The following SART3 variants were observed in gnomAD, a reference collection of about 807,000 sequenced individuals.
SART3 encodes the protein HIV-1 Tat-interacting protein of 110kDa.
In SART3, 44 loss-of-function variants were observed where a neutral mutation model predicts 122.3. That is an observed-to-expected ratio of 0.36 (90% CI 0.28 to 0.46). SART3 has a LOEUF of 0.46. Among genes scored for constraint, SART3 ranks in the 20% least tolerant of loss-of-function variants. SART3 has a pLI of 1.00. For synonymous variants in SART3, 442 were observed against 454.0 expected (o/e 0.97, Z 0.34); for missense variants, 1,101 against 1,229.0 (o/e 0.90, Z 1.56).
intron 1 of SART3, among the ~76,000 whole-genome samples, chr12:108,552,773 A>C (rs2030063805): frequency 1.3e-5 from 2 of 152,148 alleles, no homozygotes; most frequent in South Asian, 4.1e-4. Context: ...CCCTAAACTG[A>C]CTTACAGGCT....
chr12:108,527,215 G>A (rs1042854768), intron 15 of SART3, among the ~76,000 whole-genome samples: 4 of 152,184 alleles, frequency 2.6e-5, no homozygotes, highest in Non-Finnish European at 5.9e-5. Flanking sequence ...TCCCTGGGCT[G>A]GGTCCAGCTG....
intron 1 of SART3, chr12:108,560,513 T>TC: frequency 2.5e-6 from 1 of 402,776 alleles, no homozygotes; most frequent in South Asian, 1.1e-4. Flanking sequence ...GTGGGAGTTC[T>TC]GGAATGGGAT....
chr12:108,548,115 ATTCACT>A (rs1351322682), intron 2 of SART3, 124 bp from the exon 3 acceptor site: 7 of 819,096 alleles, frequency 8.5e-6, no homozygotes, highest in Non-Finnish European at 1.4e-5. Flanking sequence ...GTTTCCAGAA[ATTCACT>A]TCTTAAAACC....
Position 108,539,044 on chromosome 12 carries a change from C to G in SART3, c.952G>C (p.Asp318His). The G allele has an allele frequency of 1.2e-6, 2 of 1,614,186 alleles. No individual in the cohort carries two copies. Among genetic ancestry groups the G allele is most frequent in the South Asian group, 2.2e-5 (2 of 91,078 alleles). ...GGATCGCCAATTTTCATCTCAAAAT[C>G]GATATATGCTTGATATTCTGCCAGC... is the stretch of plus-strand genomic sequence containing the variant. ...PRLAEYQAYI[D>H]FEMKIGDPAR... The change falls in exon 7 of 19, where the codon GAT (aspartate) becomes CAT (histidine). Residue 318 changes from aspartate (D) to histidine (H), a missense_variant. This residue lies in a region of SART3 where 885 missense variants were observed against 1,080.1 expected (regional missense o/e 0.82). Coordinates refer to ENST00000546815, the MANE Select transcript of SART3 (RefSeq NM_014706.4).
rs1233498499 is a variant in SART3, at chr12:108,530,163, C to T, written c.1894G>A (p.Glu632Lys). 1 of 1,614,180 alleles carries T rather than the reference C, an allele frequency of 6.2e-7. No homozygotes were observed. Among genetic ancestry groups the T allele is most frequent in the Non-Finnish European group, 8.5e-7 (1 of 1,180,034 alleles). Reference sequence around the variant, plus strand: ...TTACCTTCTTCATCATCGCCCCACTCTTTCTCATCATCCTCATCTGCTCCG... The same window carrying T: ...TTACCTTCTTCATCATCGCCCCACTTTTTCTCATCATCCTCATCTGCTCCG... ...KRGADEDDEK[E>K]WGDDEEEQPS... Residue 632 changes from glutamate (E) to lysine (K), a missense_variant, in exon 15 of 19, where the codon GAG becomes AAG. Glu to Lys is a moderately conservative substitution (Grantham distance 56). This residue lies in a region of SART3 where 885 missense variants were observed against 1,080.1 expected (regional missense o/e 0.82). Transcript: ENST00000546815.
At chr12:108,547,048 G>T (rs1001803219) in intron 3 of SART3, among the ~76,000 whole-genome samples, 1 of 152,066 alleles carries the variant, frequency 6.6e-6, no homozygotes, top group African/African-American at 2.4e-5. Flanking sequence ...TTGAACTCCC[G>T]ACCTCAAGTG....
At position 108,538,937 on chromosome 12, in the gene SART3, G is replaced by A. The variant is rs763184279; in HGVS notation, c.1059C>T (p.Tyr353=). The A allele has an allele frequency of 6.2e-7, 1 of 1,614,076 alleles. No homozygotes were observed. Among genetic ancestry groups the A allele is most frequent in the East Asian group, 2.2e-5 (1 of 44,884 alleles). The change falls in exon 7 of 19, where the codon TAC becomes TAT. Residue 353 remains tyrosine, a synonymous_variant. Transcript: ENST00000546815. ...GAAATTAGAACAGTGATCTTACTAG[G>A]TACTGACTGTAACGGATCCATAAGT... ...VPDLWIRYSQ[Y]LDRQLKVKDL...
Position 108,526,386 on chromosome 12 carries a change from C to A in SART3, c.2083G>T (p.Val695Leu). 6.2e-7 allele frequency: 1 copy of A among 1,614,072 alleles called. No homozygotes were observed. Among genetic ancestry groups the A allele is most frequent in the East Asian group, 2.2e-5 (1 of 44,878 alleles). Residue 695 changes from valine to leucine, a missense_variant, in exon 16 of 19, where the codon GTG becomes TTG. Coordinates refer to ENST00000546815, the MANE Select transcript of SART3 (RefSeq NM_014706.4). ...CTGTCCTTGCTGCTGTCGTGCAGCACCTTGGGCATGTCCCTCTTCAGGGAG... is the reference window on the plus strand; with the variant it reads ...CTGTCCTTGCTGCTGTCGTGCAGCAACTTGGGCATGTCCCTCTTCAGGGAG... ...AASLKRDMPK[V>L]LHDSSKDSIT...
intron 14 of SART3, among the ~76,000 whole-genome samples, chr12:108,530,564 T>A (rs2287547): frequency 2.0e-5 from 3 of 151,876 alleles, no homozygotes; most frequent in Non-Finnish European, 4.4e-5. Context: ...GGCAAAAAAA[T>A]CCATAAAACT....
chr12:108,532,112 A>G, intron 13 of SART3, 110 bp downstream of exon 13: 1 of 862,468 alleles, frequency 1.2e-6, no homozygotes, highest in Non-Finnish European at 1.9e-6. Flanking sequence ...GCACCACCTA[A>G]GGTGGCAGCA....
chr12:108,531,994 G>A (rs781566666), intron 13 of SART3: 18 of 526,368 alleles, frequency 3.4e-5, no homozygotes, highest in Non-Finnish European at 6.3e-5. Context: ...CAGAGAATTA[G>A]AACCCTGTGC....
rs983436044 is a variant in SART3, at chr12:108,530,175, C to G, written c.1882G>C (p.Asp628His). The G allele has an allele frequency of 3.1e-6, 5 of 1,614,098 alleles. No homozygotes were observed. In the African/African-American group the frequency reaches 6.7e-5, roughly 22 times the overall value. Residue 628 changes from aspartate (D) to histidine (H), a missense_variant, in exon 15 of 19, where the codon GAT (aspartate) becomes CAT (histidine). Asp to His is a moderately conservative substitution (Grantham distance 81). Transcript: ENST00000546815. ...RGPEKRGADE[D>H]DEKEWGDDEE... ...TCATCGCCCCACTCTTTCTCATCAT[C>G]CTCATCTGCTCCGCGCTTCTCTGGG...
At chr12:108,546,337 C>A (rs942757053) in intron 3 of SART3, among the ~76,000 whole-genome samples, 1 of 150,968 alleles carries the variant, frequency 6.6e-6, no homozygotes, top group African/African-American at 2.4e-5. Context: ...GTAGCTGGGA[C>A]AACAGGAGCA....
chr12:108,532,368 G>A (rs369257409), intron 12 of SART3, 34 bp from the exon 13 acceptor site: 95 of 1,589,398 alleles, frequency 6.0e-5, no homozygotes, highest in Non-Finnish European at 7.9e-5. Flanking sequence ...CTGCCACCAG[G>A]ACACAAAGTG....
chr12:108,550,013 CAAAA>C lies in SART3; in HGVS notation c.313-803_313-800del, dbSNP rs10572379. On this transcript the variant is annotated intron_variant, in intron 1 of 18. Transcript: ENST00000546815. ...TGGGTGACAGAGCAAGACCCAATCT[CAAAA>C]AAAAAAAAAAAAAAAAAAAGATAGA... Among the ~76,000 whole-genome samples the C allele has an allele frequency of 8.3e-4, 73 of 88,232 alleles. No individual in the cohort carries two copies. The East Asian group carries it at 0.014, about 16-fold the overall frequency. 57.9% of individuals were successfully genotyped at this position (88,232 alleles called of 152,430 possible).
intron 16 of SART3, 49 bp downstream of exon 16, chr12:108,526,050 G>T: frequency 6.8e-7 from 1 of 1,473,756 alleles, no homozygotes; most frequent in Non-Finnish European, 9.5e-7. Flanking sequence ...GAAAGTGCCT[G>T]TCTAAAGCAA....
Position 108,560,648 on chromosome 12 carries a change from G to A in SART3, c.312+195C>T, listed in dbSNP as rs150894152. 636 of 545,036 alleles carry A rather than the reference G, an allele frequency of 1.2e-3. 1 individual carries two copies. The highest frequency in any genetic ancestry group is 0.011 in the African/African-American group (593 of 52,512). 33.8% of individuals were successfully genotyped at this position (545,036 alleles called of 1,614,324 possible). A position where few individuals can be genotyped will look rare whatever the true frequency, so the allele number is the denominator to read the frequency against. On this transcript the variant is annotated intron_variant, in intron 1 of 18. Coordinates refer to ENST00000546815, the MANE Select transcript of SART3 (RefSeq NM_014706.4). ...GCTTCCTTCACAGGGTCGTGGCGAGGATTCAATGAGATAACGTTTGCAAGG... is the reference window on the plus strand; with the variant it reads ...GCTTCCTTCACAGGGTCGTGGCGAGAATTCAATGAGATAACGTTTGCAAGG...
intron 3 of SART3, among the ~76,000 whole-genome samples, chr12:108,545,914 GC>G (rs1368137298): frequency 7.3e-6 from 1 of 137,046 alleles, no homozygotes; most frequent in Non-Finnish European, 1.5e-5. Context: ...GTTGCAGTGA[GC>G]CGAGATCACA....
intron 18 of SART3, 99 bp from the exon 19 acceptor site, chr12:108,523,733 G>C: frequency 1.1e-6 from 1 of 952,324 alleles, no homozygotes; most frequent in Non-Finnish European, 1.6e-6. Flanking sequence ...ATAACCAGAA[G>C]TTAAAAGGTG....
Sources: gnomAD v4.1 joint callset for allele counts (sites outside exome capture counted in the v4.1 genomes callset) on GRCh38, gnomAD v4.1.1 for gene constraint, gnomAD v4.1.1 regional missense constraint, MANE v1.5 for transcripts, NCBI Gene and HGNC (gene_info 2026-07-23, HGNC 2026-07-21) for gene names.